Variants in FHIT observed in about 807,000 individuals in gnomAD.
FHIT encodes fragile histidine triad diadenosine triphosphatase, also known as bis(5'-adenosyl)-triphosphatase.
FHIT carries 19 observed loss-of-function variants against 17.9 expected under a neutral mutation model. The ratio of observed to expected loss-of-function variants is 1.06; its 90% CI spans 0.74 to 1.56. The LOEUF is 1.56. Among genes scored for constraint, FHIT ranks in the 40% most tolerant of loss-of-function variants. The pLI, the probability that FHIT is intolerant of heterozygous loss-of-function variation, is 0.00. For missense variants in FHIT, 248 were observed against 189.2 expected, an observed-to-expected ratio of 1.31 and a Z score of -1.82; for synonymous variants, 81 against 69.7, an observed-to-expected ratio of 1.16 and a Z score of -0.81.
chr3:61,042,041 T>C lies in FHIT; in HGVS notation c.-111+6A>G, dbSNP rs1388547923. 1 of 152,188 alleles carries C rather than the reference T, an allele frequency of 6.6e-6. No homozygotes were observed. Among genetic ancestry groups the C allele is most frequent in the Non-Finnish European group, 1.5e-5 (1 of 68,044 alleles). 9.4% of individuals were successfully genotyped at this position (152,188 alleles called of 1,614,324 possible). On this transcript the variant is annotated splice_donor_region_variant and intron_variant, in intron 3 of 9. Coordinates refer to ENST00000492590, the MANE Select transcript of FHIT (RefSeq NM_002012.4). ...TTCTGTTAAGTATTTTAAGAAATGGTTTTACCTTCTTTCTCTTTCTCTCCC... is the reference window on the plus strand; with the variant it reads ...TTCTGTTAAGTATTTTAAGAAATGGCTTTACCTTCTTTCTCTTTCTCTCCC...
At chr3:60,241,452 G>GA (rs935317138) in intron 5 of FHIT, among the ~76,000 whole-genome samples, 5 of 151,972 alleles carry the variant, frequency 3.3e-5, no homozygotes, top group African/African-American at 1.2e-4. Context: ...TCATGAGTAT[G>GA]AAAAAAATAT....
At chr3:61,054,265 C>T (rs1471441768) in intron 2 of FHIT, among the ~76,000 whole-genome samples, 1 of 152,158 alleles carries the variant, frequency 6.6e-6, no homozygotes, top group Non-Finnish European at 1.5e-5. Flanking sequence ...AATAAATTCC[C>T]CAGCTCTGGG....
At chr3:60,788,518 T>C (rs1459218024) in intron 4 of FHIT, among the ~76,000 whole-genome samples, 4 of 152,216 alleles carry the variant, frequency 2.6e-5, no homozygotes, top group Non-Finnish European at 4.4e-5. Flanking sequence ...GTATGTTTAG[T>C]AGTTTTTAAC....
intron 2 of FHIT, among the ~76,000 whole-genome samples, chr3:61,053,502 T>C (rs934970874): frequency 1.3e-5 from 2 of 151,744 alleles, no homozygotes; most frequent in African/African-American, 4.8e-5. Flanking sequence ...CTACCAAAAA[T>C]ACAAAATTAG....
intron 3 of FHIT, among the ~76,000 whole-genome samples, chr3:60,987,651 T>A (rs985747022): frequency 6.6e-6 from 1 of 152,242 alleles, no homozygotes; most frequent in Non-Finnish European, 1.5e-5. Context: ...TGTGTGTGTC[T>A]TTAATTCCTC....
At chr3:59,905,983 G>C (rs557490684) in intron 8 of FHIT, among the ~76,000 whole-genome samples, 1 of 152,166 alleles carries the variant, frequency 6.6e-6, no homozygotes, top group Non-Finnish European at 1.5e-5. Context: ...GTGTGATTCT[G>C]GGACTGGACT....
chr3:60,723,572 G>C lies in FHIT; in HGVS notation c.-18+98347C>G, dbSNP rs535279978. Among the ~76,000 whole-genome samples the C allele has an allele frequency of 2.4e-4, 36 of 152,306 alleles. No individual in the cohort carries two copies. The South Asian group carries it at 6.4e-3, about 27-fold the overall frequency. On this transcript the variant is annotated intron_variant, in intron 4 of 9. Coordinates refer to ENST00000492590, the MANE Select transcript of FHIT (RefSeq NM_002012.4). Reference sequence around the variant, plus strand: ...GCAACACTTCAAACTTGTTGTCGCAGCTTGTTGCTTAAGGAACTAAGAGCA... The same window carrying C: ...GCAACACTTCAAACTTGTTGTCGCACCTTGTTGCTTAAGGAACTAAGAGCA...
At chr3:60,907,034 T>A (rs1441341852) in intron 3 of FHIT, among the ~76,000 whole-genome samples, 2 of 151,984 alleles carry the variant, frequency 1.3e-5, no homozygotes, top group East Asian at 1.9e-4. Context: ...GCACAAATCA[T>A]CGATGGACAA....
chr3:60,357,204 T>TTTG lies in FHIT; in HGVS notation c.103+179655_103+179656insCAA, dbSNP rs1559848821. On this transcript the variant is annotated intron_variant, in intron 5 of 9. Transcript: ENST00000492590. Reference sequence around the variant, plus strand: ...AGGCAAACACTGGAGATCACTTGTTTTTTGTTTGTTTGTTTGTTTCTGAGA... The same window carrying TTTG: ...AGGCAAACACTGGAGATCACTTGTTTTTGTTTGTTTGTTTGTTTGTTTCTGAGA... Among the ~76,000 whole-genome samples, 658 of 152,176 alleles carry TTTG rather than the reference T, an allele frequency of 4.3e-3. 3 individuals are homozygous for TTTG. The highest frequency in any genetic ancestry group is 0.015 in the African/African-American group (628 of 41,500).
chr3:60,207,841 A>G (rs541580694), intron 5 of FHIT, among the ~76,000 whole-genome samples: 1 of 152,304 alleles, frequency 6.6e-6, no homozygotes, highest in Admixed American at 6.5e-5. Flanking sequence ...TGGTAGGGGT[A>G]ATGTATTCTT....
chr3:60,338,604 A>G (rs1271356314), intron 5 of FHIT, among the ~76,000 whole-genome samples: 1 of 152,174 alleles, frequency 6.6e-6, no homozygotes, highest in Non-Finnish European at 1.5e-5. Context: ...AGAGTTCAAA[A>G]AGCATGGTTA....
intron 5 of FHIT, among the ~76,000 whole-genome samples, chr3:60,506,132 C>G (rs2034719080): frequency 6.6e-6 from 1 of 152,094 alleles, no homozygotes; most frequent in South Asian, 2.1e-4. Context: ...TTCTCACAGA[C>G]AATATAATTG....
At chr3:59,973,253 CCTCTGTTTCTGG>C (rs1476519213) in intron 7 of FHIT, among the ~76,000 whole-genome samples, 3 of 152,178 alleles carry the variant, frequency 2.0e-5, no homozygotes, top group Admixed American at 2.0e-4. Flanking sequence ...ATTCTGATTC[CCTCTGTTTCTGG>C]CCTTCAGTCA....
At chr3:60,111,540 C>A (rs1314241385) in intron 5 of FHIT, among the ~76,000 whole-genome samples, 1 of 152,198 alleles carries the variant, frequency 6.6e-6, no homozygotes, top group Non-Finnish European at 1.5e-5. Flanking sequence ...GCTATCTTTC[C>A]TTCAATGGTG....
intron 4 of FHIT, among the ~76,000 whole-genome samples, chr3:60,719,134 A>G (rs1251312780): frequency 1.3e-5 from 2 of 152,176 alleles, no homozygotes; most frequent in African/African-American, 4.8e-5. Flanking sequence ...AAGAAAGATG[A>G]TGCTTATTAG....
intron 5 of FHIT, among the ~76,000 whole-genome samples, chr3:60,532,354 T>C (rs1307960174): frequency 6.6e-6 from 1 of 152,162 alleles, no homozygotes; most frequent in African/African-American, 2.4e-5. Flanking sequence ...ATACCACTAA[T>C]GTTTAAATTC....
intron 3 of FHIT, among the ~76,000 whole-genome samples, chr3:60,939,136 C>T (rs1186292255): frequency 6.6e-6 from 1 of 152,108 alleles, no homozygotes; most frequent in Non-Finnish European, 1.5e-5. Flanking sequence ...CAAATGACAC[C>T]TTAACTTCTA....
At chr3:60,625,782 T>G (rs1169339463) in intron 4 of FHIT, among the ~76,000 whole-genome samples, 3 of 152,040 alleles carry the variant, frequency 2.0e-5, no homozygotes, top group Non-Finnish European at 4.4e-5. Flanking sequence ...TCTTTTTCCA[T>G]ATGTTGTTAA....
chr3:60,719,408 C>T (rs1320597061), intron 4 of FHIT, among the ~76,000 whole-genome samples: 2 of 152,186 alleles, frequency 1.3e-5, no homozygotes, highest in Non-Finnish European at 2.9e-5. Context: ...CAATCACCTA[C>T]AGGTAAATGC....
Sources: gnomAD v4.1 joint callset for allele counts (sites outside exome capture counted in the v4.1 genomes callset) on GRCh38, gnomAD v4.1.1 for gene constraint, MANE v1.5 for transcripts, NCBI Gene and HGNC (gene_info 2026-07-23, HGNC 2026-07-21) for gene names.